Variants in TRAPPC6B observed in about 807,000 individuals in gnomAD.
TRAPPC6B encodes the protein trafficking protein particle complex subunit 6B.
TRAPPC6B carries 27 observed loss-of-function variants against 24.7 expected under a neutral mutation model. That is an observed-to-expected ratio of 1.09 (90% CI 0.81 to 1.51). TRAPPC6B has a LOEUF of 1.51. Among genes scored for constraint, TRAPPC6B ranks in the 40% most tolerant of loss-of-function variants. The pLI, the probability that TRAPPC6B is intolerant of heterozygous loss-of-function variation, is 0.00. For synonymous variants in TRAPPC6B, 80 were observed against 66.6 expected (o/e 1.20, Z -0.98); for missense variants, 212 against 190.8 (o/e 1.11, Z -0.66).
chr14:39,170,199 G>C lies in TRAPPC6B; in HGVS notation c.-104C>G. 1 of 1,092,732 alleles carries C rather than the reference G, an allele frequency of 9.2e-7. No individual in the cohort carries two copies. The allele number at this position is 1,092,732 out of a possible 1,614,324, so 67.7% of individuals were successfully genotyped here. On this transcript the variant is annotated 5_prime_UTR_variant, in exon 1 of 6. Transcript: ENST00000330149. ...CTTCGCCGGCGCCGCGGCTCCGTCA[G>C]GCCGCCATTCTATCCCTGTGGCTAA... is the stretch of plus-strand genomic sequence containing the variant.
In TRAPPC6B at chr14:39,170,178, G is replaced by A; in HGVS notation, c.-83C>T. 1.4e-6 allele frequency: 2 copies of A among 1,395,882 alleles called. No individual in the cohort carries two copies. Among genetic ancestry groups the A allele is most frequent in the South Asian group, 1.2e-5 (1 of 84,174 alleles). 86.5% of individuals were successfully genotyped at this position (1,395,882 alleles called of 1,614,324 possible). A position where few individuals can be genotyped will look rare whatever the true frequency, so the allele number is the denominator to read the frequency against. On this transcript the variant is annotated 5_prime_UTR_variant, in exon 1 of 6. Coordinates refer to ENST00000330149, the MANE Select transcript of TRAPPC6B (RefSeq NM_001079537.2). ...TTCCAGCTCGCGCCTCAGCGACTTC[G>A]CCGGCGCCGCGGCTCCGTCAGGCCG...
intron 1 of TRAPPC6B, among the ~76,000 whole-genome samples, chr14:39,166,666 T>C (rs115152927): frequency 0.016 from 2,435 of 152,292 alleles, 73 homozygotes; most frequent in African/African-American, 0.055. Flanking sequence ...TAAATGATAA[T>C]CAGACATTAT....
intron 3 of TRAPPC6B, chr14:39,157,486 A>G: frequency 2.6e-6 from 1 of 381,672 alleles, no homozygotes; most frequent in Non-Finnish European, 5.1e-6. Context: ...AGTTAACACC[A>G]TCTCCACCTT....
At chr14:39,159,422 A>C in intron 2 of TRAPPC6B, 61 bp downstream of exon 2, 1 of 1,145,358 alleles carries the variant, frequency 8.7e-7, no homozygotes, top group Non-Finnish European at 1.2e-6. Flanking sequence ...CAATCTTTTG[A>C]AATAGATCAC....
intron 3 of TRAPPC6B, among the ~76,000 whole-genome samples, chr14:39,154,576 T>C (rs1303581268): frequency 1.3e-5 from 2 of 152,020 alleles, no homozygotes; most frequent in Admixed American, 6.6e-5. Flanking sequence ...TGCATCACCA[T>C]GCCCTGCTAA....
intron 2 of TRAPPC6B, 165 bp downstream of exon 2, chr14:39,159,318 A>C: frequency 2.6e-6 from 1 of 379,012 alleles, no homozygotes. Context: ...TGAATAAATG[A>C]GTTAAATGGC....
At chr14:39,155,851 GAC>G (rs1942541648) in intron 3 of TRAPPC6B, among the ~76,000 whole-genome samples, 2 of 152,020 alleles carry the variant, frequency 1.3e-5, no homozygotes, top group Admixed American at 6.6e-5. Context: ...TTTTTTAAGA[GAC>G]AGAATTTTGC....
chr14:39,153,133 A>G (rs1003517245), intron 4 of TRAPPC6B, among the ~76,000 whole-genome samples: 1 of 152,058 alleles, frequency 6.6e-6, no homozygotes, highest in East Asian at 1.9e-4. Flanking sequence ...TCTACTAAAG[A>G]TACAAAAAAT....
intron 1 of TRAPPC6B, among the ~76,000 whole-genome samples, chr14:39,164,506 G>A (rs112168181): frequency 0.068 from 10,350 of 151,630 alleles, 1,176 homozygotes; most frequent in African/African-American, 0.24. Flanking sequence ...AAAAAATCAT[G>A]TTATTCTCTA....
rs966627693 is a variant in TRAPPC6B at position 39,154,377 on chromosome 14, G to C, written c.268-83C>G. 6.6e-6 allele frequency: 6 copies of C among 907,980 alleles called. No individual in the cohort carries two copies. In the African/African-American group the frequency reaches 1.0e-4, roughly 15 times the overall value. 56.2% of individuals were successfully genotyped at this position (907,980 alleles called of 1,614,324 possible). A position where few individuals can be genotyped will look rare whatever the true frequency, so the allele number is the denominator to read the frequency against. ...ATTTTATTCTTATGAAACAATTTAAGTGTTTTTTAAAGTTATTAAAAGTCT... is the reference window on the plus strand; with the variant it reads ...ATTTTATTCTTATGAAACAATTTAACTGTTTTTTAAAGTTATTAAAAGTCT... On this transcript the variant is annotated intron_variant, in intron 3 of 5. Coordinates refer to ENST00000330149, the MANE Select transcript of TRAPPC6B (RefSeq NM_001079537.2).
rs115730009 is a variant in TRAPPC6B, at chr14:39,162,825, T to G, written c.82-3275A>C. ...ACATCCAAATCCTATGGATGACTGA[T>G]GGACTGTCCTCTACAATCCAGACCC... On this transcript the variant is annotated intron_variant, in intron 1 of 5. Transcript: ENST00000330149. Among the ~76,000 whole-genome samples the G allele has an allele frequency of 7.6e-3, 1,154 of 152,320 alleles. 13 individuals carry two copies. The highest frequency in any genetic ancestry group is 0.025 in the African/African-American group (1,053 of 41,574).
chr14:39,154,710 G>A (rs796456030), intron 3 of TRAPPC6B, among the ~76,000 whole-genome samples: 10 of 152,076 alleles, frequency 6.6e-5, no homozygotes, highest in African/African-American at 2.2e-4. Context: ...ATAAGCCCAC[G>A]TGCCCAGCCT....
In TRAPPC6B at chr14:39,154,196, T is replaced by C; in HGVS notation, c.351+15A>G. 5 of 1,561,422 alleles carry C rather than the reference T, an allele frequency of 3.2e-6. No homozygotes were observed. The highest frequency in any genetic ancestry group is 4.4e-6 in the Non-Finnish European group (5 of 1,134,018). ...TACTATTAACAAAAACCCCAACTTC[T>C]ATTCCATTAAATACCTTAGATGCAT... On this transcript the variant is annotated intron_variant, in intron 4 of 5. Coordinates refer to ENST00000330149, the MANE Select transcript of TRAPPC6B (RefSeq NM_001079537.2).
At chr14:39,161,333 G>A (rs947981724) in intron 1 of TRAPPC6B, among the ~76,000 whole-genome samples, 1 of 152,094 alleles carries the variant, frequency 6.6e-6, no homozygotes, top group Admixed American at 6.6e-5. Flanking sequence ...TTCCTTAATA[G>A]CTACCTAACA....
chr14:39,170,299 C>T lies in TRAPPC6B; in HGVS notation c.-204G>A, dbSNP rs2053155965. On this transcript the variant is annotated 5_prime_UTR_variant, in exon 1 of 6. Coordinates refer to ENST00000330149, the MANE Select transcript of TRAPPC6B (RefSeq NM_001079537.2). ...CTGGTACTGGAGAGAGCCCACACTT[C>T]GGGGCTACCAAATCCTAGGGCCGAA... The T allele has an allele frequency of 7.0e-6, 4 of 571,554 alleles. No individual in the cohort carries two copies. Among genetic ancestry groups the T allele is most frequent in the East Asian group, 3.1e-5 (1 of 32,786 alleles). The allele number at this position is 571,554 out of a possible 1,614,324, so 35.4% of individuals were successfully genotyped here.
chr14:39,163,373 G>GAA (rs796850720), intron 1 of TRAPPC6B, among the ~76,000 whole-genome samples: 14 of 97,668 alleles, frequency 1.4e-4, no homozygotes, highest in South Asian at 3.0e-4. Flanking sequence ...TTCATCACCA[G>GAA]AAAAAAAAAA....
intron 1 of TRAPPC6B, among the ~76,000 whole-genome samples, chr14:39,164,480 G>C (rs175344): frequency 6.8e-6 from 1 of 146,364 alleles, no homozygotes; most frequent in Non-Finnish European, 1.5e-5. Context: ...CAATAACAGT[G>C]AAACTCTGTC....
rs1260118505 is a variant in TRAPPC6B, at chr14:39,170,044, C to A, written c.52G>T (p.Val18Leu). 1 of 1,614,094 alleles carries A rather than the reference C, an allele frequency of 6.2e-7. No homozygotes were observed. Among genetic ancestry groups the A allele is most frequent in the African/African-American group, 1.3e-5 (1 of 74,954 alleles). Residue 18 changes from valine to leucine, a missense_variant, in exon 1 of 6, where the codon GTG (valine) becomes TTG (leucine). Transcript: ENST00000330149. ...LLLHNEMVSG[V>L]YKSAEQGEVE... ...TCCCCCTGCTCCGCGGACTTGTACA[C>A]TCCAGACACCATCTCGTTATGGAGA...
At chr14:39,163,751 C>A (rs973870822) in intron 1 of TRAPPC6B, among the ~76,000 whole-genome samples, 1 of 151,028 alleles carries the variant, frequency 6.6e-6, no homozygotes, top group Non-Finnish European at 1.5e-5. Flanking sequence ...ACCATGCACT[C>A]TGCTTATGGT....
Sources: gnomAD v4.1 joint callset for allele counts (sites outside exome capture counted in the v4.1 genomes callset) on GRCh38, gnomAD v4.1.1 for gene constraint, MANE v1.5 for transcripts, NCBI Gene and HGNC (gene_info 2026-07-23, HGNC 2026-07-21) for gene names.